The following TAFA1 variants were observed in gnomAD, a reference collection of about 807,000 sequenced individuals.
TAFA1 encodes the protein TAFA chemokine like family member 1.
In TAFA1, 4 loss-of-function variants were observed where a neutral mutation model predicts 18.5. The ratio of observed to expected loss-of-function variants is 0.22; its 90% CI spans 0.11 to 0.49. TAFA1 has a LOEUF of 0.49. Ranked by LOEUF, TAFA1 falls within the 20% of genes least tolerant of loss-of-function variation. The pLI is 0.98. For synonymous variants in TAFA1, 56 were observed against 55.2 expected (o/e 1.01, Z -0.06); for missense variants, 147 against 169.0 (o/e 0.87, Z 0.72).
chr3:68,539,679 G>GTT (rs1316493591), intron 4 of TAFA1, among the ~76,000 whole-genome samples: 1 of 47,448 alleles, frequency 2.1e-5, no homozygotes, highest in Non-Finnish European at 4.0e-5. Context: ...GTGTGTGTGT[G>GTT]GGGGGGCATG....
chr3:68,095,100 T>C (rs775121731), intron 2 of TAFA1, among the ~76,000 whole-genome samples: 6 of 152,136 alleles, frequency 3.9e-5, no homozygotes, highest in Non-Finnish European at 8.8e-5. Context: ...TTCTTTGTCT[T>C]CCAGCCAGAG....
intron 3 of TAFA1, among the ~76,000 whole-genome samples, chr3:68,480,641 T>C (rs930207770): frequency 6.6e-6 from 1 of 152,208 alleles, no homozygotes; most frequent in African/African-American, 2.4e-5. Flanking sequence ...TCTTTTTAGA[T>C]TATAAACTCT....
intron 2 of TAFA1, among the ~76,000 whole-genome samples, chr3:68,389,144 T>C (rs1235346748): frequency 6.6e-6 from 1 of 152,206 alleles, no homozygotes; most frequent in African/African-American, 2.4e-5. Context: ...GAAACATGCC[T>C]AGACAGTCTT....
At chr3:68,187,335 C>T (rs1227305521) in intron 2 of TAFA1, among the ~76,000 whole-genome samples, 1 of 151,868 alleles carries the variant, frequency 6.6e-6, no homozygotes, top group East Asian at 1.9e-4. Context: ...AGAAATAAAA[C>T]ATTGTCAGAC....
At chr3:68,493,441 A>G (rs1316076928) in intron 3 of TAFA1, among the ~76,000 whole-genome samples, 6 of 152,224 alleles carry the variant, frequency 3.9e-5, no homozygotes, top group Admixed American at 2.6e-4. Flanking sequence ...TAATGCTGCT[A>G]TGCACATGGG....
intron 2 of TAFA1, among the ~76,000 whole-genome samples, chr3:68,076,476 GT>G (rs2064826310): frequency 1.5e-5 from 1 of 64,972 alleles, no homozygotes; most frequent in South Asian, 4.8e-4. Context: ...CCCCCCACCA[GT>G]CCCCAGAGTG....
At chr3:68,311,638 C>T (rs1259417699) in intron 2 of TAFA1, among the ~76,000 whole-genome samples, 1 of 152,238 alleles carries the variant, frequency 6.6e-6, no homozygotes, top group East Asian at 1.9e-4. Context: ...CACACTGATG[C>T]AAGAGGTGGG....
intron 2 of TAFA1, among the ~76,000 whole-genome samples, chr3:68,259,299 C>G (rs577475242): frequency 6.6e-6 from 1 of 152,150 alleles, no homozygotes; most frequent in Non-Finnish European, 1.5e-5. Flanking sequence ...TGGAACTCCA[C>G]AAATTAGGAT....
intron 3 of TAFA1, among the ~76,000 whole-genome samples, chr3:68,417,999 C>G (rs565597511): frequency 6.6e-5 from 10 of 152,252 alleles, no homozygotes; most frequent in African/African-American, 2.4e-4. Flanking sequence ...CCAGTCACCT[C>G]TCACCAGGCC....
intron 2 of TAFA1, among the ~76,000 whole-genome samples, chr3:68,163,402 T>G (rs1304593735): frequency 6.6e-6 from 1 of 152,244 alleles, no homozygotes; most frequent in East Asian, 1.9e-4. Flanking sequence ...ATGTAGACAT[T>G]AAACTGATTT....
At chr3:68,350,753 A>G (rs1034910614) in intron 2 of TAFA1, among the ~76,000 whole-genome samples, 1 of 152,082 alleles carries the variant, frequency 6.6e-6, no homozygotes, top group African/African-American at 2.4e-5. Flanking sequence ...GAGGTTGTTT[A>G]TCTGTGTCAG....
At chr3:68,009,141 G>GT (rs1255799075) in intron 2 of TAFA1, among the ~76,000 whole-genome samples, 2 of 152,026 alleles carry the variant, frequency 1.3e-5, no homozygotes, top group Admixed American at 6.6e-5. Flanking sequence ...TCTTGCTATT[G>GT]TTTTGTTAAC....
chr3:68,419,326 T>A (rs2070911954), intron 3 of TAFA1, among the ~76,000 whole-genome samples: 1 of 152,180 alleles, frequency 6.6e-6, no homozygotes, highest in South Asian at 2.1e-4. Context: ...GATACATTTT[T>A]ATCTACCATT....
chr3:68,091,576 T>G (rs1035557216), intron 2 of TAFA1, among the ~76,000 whole-genome samples: 7 of 152,108 alleles, frequency 4.6e-5, no homozygotes, highest in African/African-American at 1.4e-4. Flanking sequence ...GAGCTTATTT[T>G]CTAATATAAG....
In TAFA1 at chr3:68,545,364, C is replaced by A. The variant is rs560039645; in HGVS notation, c.*861C>A. 3 of 152,666 alleles carry A rather than the reference C, an allele frequency of 2.0e-5. No homozygotes were observed. Among genetic ancestry groups the A allele is most frequent in the African/African-American group, 7.2e-5 (3 of 41,558 alleles). 9.5% of individuals were successfully genotyped at this position (152,666 alleles called of 1,614,324 possible). On this transcript the variant is annotated 3_prime_UTR_variant, in exon 5 of 5. Coordinates refer to ENST00000478136, the MANE Select transcript of TAFA1 (RefSeq NM_213609.4). ...TGAATAAGTCCTGTAAATACAATGT[C>A]TTAAGGCTTTGTATAGCTGTCCTAG...
At chr3:68,526,643 A>T (rs1480467506) in intron 3 of TAFA1, among the ~76,000 whole-genome samples, 1 of 152,178 alleles carries the variant, frequency 6.6e-6, no homozygotes, top group African/African-American at 2.4e-5. Context: ...CAAAAACTAT[A>T]TTATAGAGTC....
intron 2 of TAFA1, among the ~76,000 whole-genome samples, chr3:68,206,254 A>C: frequency 6.6e-6 from 1 of 151,892 alleles, no homozygotes; most frequent in East Asian, 1.9e-4. Flanking sequence ...TTCTATATCA[A>C]TGTAGACAAT....
In TAFA1 at chr3:68,461,360, CATATATATAT is replaced by C. The variant is rs5849840; in HGVS notation, c.259+43951_259+43960del. On this transcript the variant is annotated intron_variant, in intron 3 of 4. Transcript: ENST00000478136. Reference sequence around the variant, plus strand: ...GAAGGAACCCAGGCCAATGAAAGTGCATATATATATATATATATATGTATGTATGTATATA... The same window carrying C: ...GAAGGAACCCAGGCCAATGAAAGTGCATATATATATGTATGTATGTATATA... 5.9e-3 allele frequency among the ~76,000 whole-genome samples: 627 copies of C among 106,634 alleles called. 32 individuals carry two copies. The highest frequency in any genetic ancestry group is 0.025 in the African/African-American group (597 of 24,188). 70.0% of individuals were successfully genotyped at this position (106,634 alleles called of 152,430 possible). A position where few individuals can be genotyped will look rare whatever the true frequency, so the allele number is the denominator to read the frequency against.
intron 3 of TAFA1, among the ~76,000 whole-genome samples, chr3:68,533,477 G>T (rs1182929638): frequency 6.6e-6 from 1 of 152,134 alleles, no homozygotes; most frequent in Non-Finnish European, 1.5e-5. Context: ...TGAGATTTGG[G>T]TGGGCACACA....
Sources: gnomAD v4.1 joint callset for allele counts (sites outside exome capture counted in the v4.1 genomes callset) on GRCh38, gnomAD v4.1.1 for gene constraint, MANE v1.5 for transcripts, NCBI Gene and HGNC (gene_info 2026-07-23, HGNC 2026-07-21) for gene names.